FLNB: variants seen among roughly 807,000 people sequenced by gnomAD.
FLNB encodes the protein filamin-B.
In FLNB, 111 loss-of-function variants were observed where a neutral mutation model predicts 250.6. The observed-to-expected ratio is 0.44, with a 90% CI of 0.38 to 0.52. FLNB has a LOEUF of 0.52. Among genes scored for constraint, FLNB ranks in the 20% least tolerant of loss-of-function variants. FLNB has a pLI of 0.00. For synonymous variants in FLNB, 1,302 were observed against 1,372.1 expected (o/e 0.95, Z 1.13); for missense variants, 2,869 against 3,447.8 (o/e 0.83, Z 4.20).
chr3:58,163,030 G>T (rs1026283583), intron 42 of FLNB, 124 bp from the exon 43 acceptor site: 13 of 958,896 alleles, frequency 1.4e-5, no homozygotes, highest in Non-Finnish European at 1.6e-5. Flanking sequence ...CTGAGTGCCA[G>T]GCTCCCTGTA....
Position 58,110,104 on chromosome 3 carries a change from G to A in FLNB, c.2418G>A (p.Thr806=), listed in dbSNP as rs778108689. ...ACATTATTCACAATGCCAATGATAC[G>A]TTCACAGTCAAATATGTGCCTCCTG... The part of the protein sequence containing the change: ...DFDIIHNAND[T]FTVKYVPPAA... The change falls in exon 16 of 46, where the codon ACG becomes ACA. Residue 806 remains threonine, a synonymous_variant. Coordinates refer to ENST00000295956, the MANE Select transcript of FLNB (RefSeq NM_001457.4). 2.5e-6 allele frequency: 4 copies of A among 1,614,126 alleles called. No individual in the cohort carries two copies. The highest frequency in any genetic ancestry group is 2.2e-5 in the East Asian group (1 of 44,886).
chr3:58,039,699 TG>T (rs1161299675), intron 1 of FLNB, among the ~76,000 whole-genome samples: 5 of 152,248 alleles, frequency 3.3e-5, no homozygotes, highest in Admixed American at 1.3e-4. Flanking sequence ...AGAAGTGCCC[TG>T]ATTTGCTTTT....
At chr3:58,149,724 C>G in intron 36 of FLNB, 126 bp from the exon 37 acceptor site, 1 of 1,244,716 alleles carries the variant, frequency 8.0e-7, no homozygotes, top group Non-Finnish European at 1.2e-6. Context: ...ACGAGGCCGC[C>G]ATTGCTTTCT....
intron 29 of FLNB, among the ~76,000 whole-genome samples, chr3:58,141,209 C>T (rs887393465): frequency 5.3e-5 from 8 of 152,048 alleles, no homozygotes; most frequent in East Asian, 1.9e-4. Context: ...GCTGAGATTG[C>T]GCCACTGCAC....
At position 58,169,519 on chromosome 3, in the gene FLNB, C is replaced by A. The variant is rs1392550145; in HGVS notation, c.7418-71C>A. On this transcript the variant is annotated intron_variant, in intron 44 of 45. Transcript: ENST00000295956. The surrounding 1 kb of genome is among the most constrained non-coding windows in gnomAD (Gnocchi z 4.8). ...CTGGGGTTACTGTGTAGGGTACTCG[C>A]CTGTCCTCTGGCTGAGAGACCCCTC... The A allele has an allele frequency of 2.4e-6, 3 of 1,272,140 alleles. No individual in the cohort carries two copies. The highest frequency in any genetic ancestry group is 3.5e-6 in the Non-Finnish European group (3 of 868,396). The allele number at this position is 1,272,140 out of a possible 1,614,324, so 78.8% of individuals were successfully genotyped here.
intron 1 of FLNB, among the ~76,000 whole-genome samples, chr3:58,011,365 C>T (rs575916857): frequency 6.6e-6 from 1 of 152,230 alleles, no homozygotes; most frequent in East Asian, 1.9e-4. Context: ...CTATTTTTTT[C>T]CTTTTTAATG....
At chr3:58,068,967 C>T (rs967815570) in intron 1 of FLNB, among the ~76,000 whole-genome samples, 12 of 151,696 alleles carry the variant, frequency 7.9e-5, no homozygotes, top group Admixed American at 3.3e-4. Flanking sequence ...GGCAACATGG[C>T]GGAACCCTGT....
At chr3:58,041,839 C>T (rs2106802355) in intron 1 of FLNB, among the ~76,000 whole-genome samples, 1 of 152,298 alleles carries the variant, frequency 6.6e-6, no homozygotes, top group Non-Finnish European at 1.5e-5. Context: ...AGCAGCTTGT[C>T]TTGACTGTAG....
intron 24 of FLNB, among the ~76,000 whole-genome samples, chr3:58,127,152 A>G (rs2097299326): frequency 6.6e-6 from 1 of 152,128 alleles, no homozygotes. Context: ...GGGAATCCCC[A>G]TCTTTACAAG....
chr3:58,044,315 T>C (rs1359633847), intron 1 of FLNB, among the ~76,000 whole-genome samples: 1 of 152,060 alleles, frequency 6.6e-6, no homozygotes, highest in Non-Finnish European at 1.5e-5. Context: ...TAAATAGTAT[T>C]AGGCCAGGTG....
chr3:58,148,126 G>A, intron 34 of FLNB, 80 bp from the exon 35 acceptor site: 1 of 1,440,202 alleles, frequency 6.9e-7, no homozygotes, highest in Non-Finnish European at 9.8e-7. Flanking sequence ...GTTCATCCGT[G>A]AACAGCATAT....
intron 18 of FLNB, 69 bp from the exon 19 acceptor site, chr3:58,118,803 A>C (rs2097283318): frequency 1.9e-6 from 2 of 1,078,194 alleles, no homozygotes; most frequent in Admixed American, 1.7e-5. Flanking sequence ...AGGGATCTTG[A>C]GGGGATTTTA....
In FLNB at chr3:58,141,889, A is replaced by G; in HGVS notation, c.5141A>G (p.Glu1714Gly). The part of the protein sequence containing the change: ...ATDGEVTAVE[E>G]APVNACPPGF... ...GATGGGGAAGTCACAGCCGTGGAGG[A>G]GGCACCGGTAAATGCATGTCCCCCT... Residue 1714 changes from glutamate (E) to glycine (G), a missense_variant, in exon 30 of 46, where the codon GAG (glutamate) becomes GGG (glycine). Physicochemically the swap from Glu to Gly is moderately conservative, Grantham distance 98 (BLOSUM62 -2). Coordinates refer to ENST00000295956, the MANE Select transcript of FLNB (RefSeq NM_001457.4). 1 of 1,614,120 alleles carries G rather than the reference A, an allele frequency of 6.2e-7. No individual in the cohort carries two copies. The highest frequency in any genetic ancestry group is 8.5e-7 in the Non-Finnish European group (1 of 1,180,012).
chr3:58,058,098 G>T (rs2097173103), intron 1 of FLNB, among the ~76,000 whole-genome samples: 1 of 152,168 alleles, frequency 6.6e-6, no homozygotes, highest in African/African-American at 2.4e-5. Flanking sequence ...CAGTTGAGTG[G>T]ATTTTTTTAG....
At chr3:58,167,150 C>A (rs952510607) in intron 43 of FLNB, among the ~76,000 whole-genome samples, 25 of 152,170 alleles carry the variant, frequency 1.6e-4, no homozygotes, top group Admixed American at 1.6e-3. Context: ...AATAAAATAT[C>A]TTTCCTTATC....
At chr3:58,069,432 G>C (rs746690564) in intron 1 of FLNB, among the ~76,000 whole-genome samples, 2 of 151,810 alleles carry the variant, frequency 1.3e-5, no homozygotes, top group Non-Finnish European at 2.9e-5. Flanking sequence ...GTAGCGACAG[G>C]GTTTCACCAT....
chr3:58,147,824 T>G (rs2107268083), intron 34 of FLNB, among the ~76,000 whole-genome samples: 1 of 152,216 alleles, frequency 6.6e-6, no homozygotes, highest in Middle Eastern at 3.4e-3. Context: ...CACACCCAGC[T>G]TATTTTTGTA....
intron 18 of FLNB, among the ~76,000 whole-genome samples, chr3:58,116,885 G>A (rs944787531): frequency 3.3e-5 from 5 of 152,062 alleles, no homozygotes; most frequent in Non-Finnish European, 1.5e-5. Context: ...TAGTACTCTG[G>A]CACCTTTAGA....
In FLNB at chr3:58,148,324, C is replaced by T. The variant is rs149017493; in HGVS notation, c.5847C>T (p.Asp1949=). 74 of 1,614,014 alleles carry T rather than the reference C, an allele frequency of 4.6e-5. 1 individual carries two copies. The Middle Eastern group carries it at 4.9e-4, about 11-fold the overall frequency. ...GCATTAAGGCCCCATCTGGCCGAGACGAGCCCTGTCTCCTGAAGAGGCTGC... is the reference window on the plus strand; with the variant it reads ...GCATTAAGGCCCCATCTGGCCGAGATGAGCCCTGTCTCCTGAAGAGGCTGC... The part of the protein sequence containing the change: ...TASIKAPSGR[D]EPCLLKRLPN... Residue 1949 remains aspartate (D), a synonymous_variant, in exon 35 of 46, where the codon GAC becomes GAT. Coordinates refer to ENST00000295956, the MANE Select transcript of FLNB (RefSeq NM_001457.4).
Sources: allele counts gnomAD v4.1 joint callset (sites outside exome capture counted in the v4.1 genomes callset), GRCh38; gene constraint gnomAD v4.1.1; non-coding constraint Gnocchi (gnomAD v3.1); transcripts MANE v1.5; gene names NCBI Gene and HGNC (gene_info 2026-07-23, HGNC 2026-07-21).